Variants in CNTNAP2 observed in about 807,000 individuals in gnomAD.
CNTNAP2 encodes contactin-associated protein-like 2.
Under a neutral mutation model 155.2 loss-of-function variants are expected in CNTNAP2, and 98 were observed. The observed-to-expected ratio is 0.63, with a 90% CI of 0.54 to 0.75. The LOEUF (loss-of-function observed/expected upper bound fraction) is 0.75. Among genes scored for constraint, CNTNAP2 ranks in the 30% least tolerant of loss-of-function variants. The pLI is 0.00. For synonymous variants in CNTNAP2, 651 were observed against 631.2 expected (o/e 1.03, Z -0.47); for missense variants, 1,727 against 1,688.1 (o/e 1.02, Z -0.40).
rs1248455917 is a variant in CNTNAP2 at position 146,573,828 on chromosome 7, A to G, written c.98-200443A>G. Among the ~76,000 whole-genome samples the G allele has an allele frequency of 3.3e-5, 5 of 152,324 alleles. No homozygotes were observed. The East Asian group carries it at 9.6e-4, about 29-fold the overall frequency. The stretch of plus-strand genomic sequence containing the variant: ...TTTCCTAAGTAAGTGTTTGTCAATT[A>G]AATCTTTTCTTCATAGGGTTTTTCT... On this transcript the variant is annotated intron_variant, in intron 1 of 23. Transcript: ENST00000361727.
At chr7:147,162,413 G>C (rs1380386244) in intron 8 of CNTNAP2, among the ~76,000 whole-genome samples, 1 of 152,172 alleles carries the variant, frequency 6.6e-6, no homozygotes, top group Non-Finnish European at 1.5e-5. Flanking sequence ...CCTCTGATCT[G>C]TTAATAATTA....
chr7:148,002,056 A>C (rs1020751301), intron 15 of CNTNAP2, among the ~76,000 whole-genome samples: 10 of 152,226 alleles, frequency 6.6e-5, no homozygotes, highest in African/African-American at 2.4e-4. Flanking sequence ...AAGATCATTA[A>C]GTTCACAAAT....
chr7:148,314,356 A>T (rs1229612998), intron 21 of CNTNAP2, among the ~76,000 whole-genome samples: 1 of 152,202 alleles, frequency 6.6e-6, no homozygotes, highest in East Asian at 1.9e-4. Context: ...GTAGGATGGA[A>T]AAATTGAAAG....
rs3052511 is a variant in CNTNAP2, at chr7:147,507,550, CTTTTTTTTTTTTTTTT to C, written c.1777+21519_1777+21534del. Among the ~76,000 whole-genome samples the C allele has an allele frequency of 9.8e-5, 8 of 82,026 alleles. No individual in the cohort carries two copies. The East Asian group carries it at 2.8e-3, about 29-fold the overall frequency. The allele number at this position is 82,026 out of a possible 152,430, so 53.8% of individuals were successfully genotyped here. On this transcript the variant is annotated intron_variant, in intron 11 of 23. Coordinates refer to ENST00000361727, the MANE Select transcript of CNTNAP2 (RefSeq NM_014141.6). ...TATAGAAGTTGCTTTCTCTTTCTTT[CTTTTTTTTTTTTTTTT>C]TTTTTTTTTGGAGTCTCGCTCTGTC...
chr7:148,048,030 TC>T (rs1288665925), intron 15 of CNTNAP2, among the ~76,000 whole-genome samples: 1 of 151,920 alleles, frequency 6.6e-6, no homozygotes, highest in Non-Finnish European at 1.5e-5. Context: ...TTCACGCCAT[TC>T]TCCTGCCTCA....
chr7:146,680,131 T>TATG (rs1198973803), intron 1 of CNTNAP2, among the ~76,000 whole-genome samples: 3 of 152,128 alleles, frequency 2.0e-5, no homozygotes, highest in African/African-American at 7.2e-5. Context: ...TTCAGTTAGG[T>TATG]ATTATTATTA....
intron 3 of CNTNAP2, among the ~76,000 whole-genome samples, chr7:146,999,223 T>C (rs565670816): frequency 1.4e-5 from 2 of 142,514 alleles, no homozygotes; most frequent in Admixed American, 1.4e-4. Flanking sequence ...TTTAACCTGA[T>C]AACAGCTTAA....
chr7:148,314,301 C>T (rs1797647198), intron 21 of CNTNAP2, among the ~76,000 whole-genome samples: 1 of 152,076 alleles, frequency 6.6e-6, no homozygotes, highest in African/African-American at 2.4e-5. Context: ...ATGTCAGGCA[C>T]CTCAGACCAT....
chr7:146,811,137 C>T (rs1803058756), intron 2 of CNTNAP2, among the ~76,000 whole-genome samples: 3 of 152,136 alleles, frequency 2.0e-5, no homozygotes, highest in Admixed American at 6.6e-5. Context: ...ATGAACGTTA[C>T]TGGCCTTGAA....
At chr7:147,894,024 G>A (rs1327521803) in intron 13 of CNTNAP2, 2 of 152,212 alleles carry the variant, frequency 1.3e-5, no homozygotes, top group Non-Finnish European at 2.9e-5. Context: ...ACAGCTATCA[G>A]ATGATTTGGA....
intron 1 of CNTNAP2, among the ~76,000 whole-genome samples, chr7:146,251,915 G>A (rs1799762286): frequency 6.6e-6 from 1 of 152,168 alleles, no homozygotes; most frequent in Admixed American, 6.5e-5. Flanking sequence ...GTCAGCTTTT[G>A]TATTGCAATA....
At chr7:148,188,278 G>T (rs1270526974) in intron 18 of CNTNAP2, among the ~76,000 whole-genome samples, 2 of 152,168 alleles carry the variant, frequency 1.3e-5, no homozygotes, top group African/African-American at 4.8e-5. Context: ...GTGGGTCTGG[G>T]AGGATGGTAA....
At chr7:147,800,286 C>T (rs1251706401) in intron 13 of CNTNAP2, among the ~76,000 whole-genome samples, 1 of 152,020 alleles carries the variant, frequency 6.6e-6, no homozygotes, top group Non-Finnish European at 1.5e-5. Context: ...TTATTTGTAT[C>T]AAAGTCAGCT....
At chr7:146,623,225 T>A (rs1799362716) in intron 1 of CNTNAP2, among the ~76,000 whole-genome samples, 2 of 152,178 alleles carry the variant, frequency 1.3e-5, no homozygotes, top group Admixed American at 6.5e-5. Context: ...CATTTTCATA[T>A]GGTTAGATTA....
At chr7:146,656,271 A>G (rs1258676615) in intron 1 of CNTNAP2, among the ~76,000 whole-genome samples, 1 of 152,200 alleles carries the variant, frequency 6.6e-6, no homozygotes, top group Non-Finnish European at 1.5e-5. Flanking sequence ...CATTCCAAAC[A>G]ATTTCACCTG....
intron 13 of CNTNAP2, among the ~76,000 whole-genome samples, chr7:147,861,352 C>T (rs1413424227): frequency 1.3e-5 from 2 of 149,854 alleles, no homozygotes; most frequent in Non-Finnish European, 3.0e-5. Flanking sequence ...TAAATAAGAC[C>T]TAGCCCATGC....
At chr7:146,399,544 A>G (rs982848414) in intron 1 of CNTNAP2, among the ~76,000 whole-genome samples, 2 of 152,204 alleles carry the variant, frequency 1.3e-5, no homozygotes, top group Non-Finnish European at 2.9e-5. Context: ...CTGTGTATAT[A>G]TACCACATTT....
rs75676958 is a variant in CNTNAP2, at chr7:147,362,072, T to C, written c.1499-33537T>C. Among the ~76,000 whole-genome samples, 1,345 of 152,260 alleles carry C rather than the reference T, an allele frequency of 8.8e-3. 15 individuals are homozygous for C. The highest frequency in any genetic ancestry group is 0.031 in the African/African-American group (1,280 of 41,554). On this transcript the variant is annotated intron_variant, in intron 9 of 23. Coordinates refer to ENST00000361727, the MANE Select transcript of CNTNAP2 (RefSeq NM_014141.6). ...TCCAACTAGAGAGTCTCAGGCTGGT[T>C]AAGTATTTTATATAACAGTGCAGGG...
At chr7:147,296,851 G>C (rs1805457793) in intron 8 of CNTNAP2, among the ~76,000 whole-genome samples, 1 of 152,164 alleles carries the variant, frequency 6.6e-6, no homozygotes, top group South Asian at 2.1e-4. Context: ...GAGTCTCTCT[G>C]AGAGGCTGTA....
Sources: allele counts gnomAD v4.1 joint callset (sites outside exome capture counted in the v4.1 genomes callset), GRCh38; gene constraint gnomAD v4.1.1; transcripts MANE v1.5; gene names NCBI Gene and HGNC (gene_info 2026-07-23, HGNC 2026-07-21).